Variants in ABHD3 observed in about 807,000 individuals in gnomAD.
ABHD3 encodes the protein abhydrolase domain containing 3, phospholipase, also known as phospholipase ABHD3.
ABHD3 carries 46 observed loss-of-function variants against 48.8 expected under a neutral mutation model. The observed-to-expected ratio is 0.94, with a 90% CI of 0.74 to 1.20. The LOEUF is 1.20. Ranked by LOEUF, ABHD3 falls within the 50% of genes most tolerant of loss-of-function variation. The pLI, the probability that ABHD3 is intolerant of heterozygous loss-of-function variation, is 0.00. For synonymous variants in ABHD3, 192 were observed against 183.7 expected, an observed-to-expected ratio of 1.04 and a Z score of -0.36; for missense variants, 490 against 497.8, an observed-to-expected ratio of 0.98 and a Z score of 0.15.
chr18:21,703,909 G>A (rs1392782984), intron 1 of ABHD3, 162 bp from the exon 2 acceptor site: 2 of 702,546 alleles, frequency 2.8e-6, no homozygotes, highest in African/African-American at 3.6e-5. Flanking sequence ...GGACTGAAAC[G>A]GGGGTTTCGC....
At chr18:21,694,908 C>T (rs1005894344) in intron 3 of ABHD3, among the ~76,000 whole-genome samples, 1 of 152,220 alleles carries the variant, frequency 6.6e-6, no homozygotes, top group Admixed American at 6.5e-5. Context: ...AATCCCAGTA[C>T]TGCCAACTCT....
chr18:21,664,485 G>C (rs1003656149), intron 4 of ABHD3: 9 of 370,562 alleles, frequency 2.4e-5, no homozygotes, highest in Non-Finnish European at 4.3e-5. Context: ...GATGGGGCAA[G>C]ACCAATACAA....
chr18:21,682,060 C>CCG (rs2040015338), intron 4 of ABHD3: 1 of 152,288 alleles, frequency 6.6e-6, no homozygotes, highest in African/African-American at 2.4e-5. Context: ...TCACTTGAGC[C>CCG]CAGGCGGTCG....
At chr18:21,697,018 A>G (rs2040385715) in intron 3 of ABHD3, among the ~76,000 whole-genome samples, 1 of 151,684 alleles carries the variant, frequency 6.6e-6, no homozygotes, top group Admixed American at 6.6e-5. Context: ...ACCAGTGAAG[A>G]TGGACAGGTT....
chr18:21,684,096 G>A, intron 3 of ABHD3, 131 bp from the exon 4 acceptor site: 2 of 740,484 alleles, frequency 2.7e-6, no homozygotes, highest in East Asian at 2.9e-5. Flanking sequence ...TAGTTGTAAT[G>A]TTTGGCAATT....
intron 4 of ABHD3, among the ~76,000 whole-genome samples, chr18:21,666,124 C>T (rs2039620530): frequency 6.6e-6 from 1 of 152,164 alleles, no homozygotes; most frequent in African/African-American, 2.4e-5. Flanking sequence ...CCCTCTGCCT[C>T]CTGGGTTCAA....
intron 1 of ABHD3, 70 bp downstream of exon 1, chr18:21,704,434 G>T: frequency 8.0e-7 from 1 of 1,257,414 alleles, no homozygotes; most frequent in Non-Finnish European, 1.0e-6. Flanking sequence ...TGGCCGCGCA[G>T]CCTCGCGCCG....
intron 4 of ABHD3, chr18:21,682,241 A>G (rs973139185): frequency 2.0e-5 from 3 of 152,224 alleles, no homozygotes; most frequent in African/African-American, 7.2e-5. Flanking sequence ...CATTCTACGG[A>G]TTACATAAAT....
intron 1 of ABHD3, among the ~76,000 whole-genome samples, chr18:21,704,117 C>T (rs1012906713): frequency 1.1e-4 from 16 of 152,222 alleles, no homozygotes; most frequent in South Asian, 4.1e-4. Context: ...GAACTCTTGA[C>T]CTCAGGTGAT....
chr18:21,675,309 C>T (rs192652671), intron 4 of ABHD3, among the ~76,000 whole-genome samples: 23 of 142,804 alleles, frequency 1.6e-4, no homozygotes, highest in African/African-American at 6.0e-4. Context: ...CGCTCTGTTG[C>T]CCAGGCTGGA....
chr18:21,681,627 A>G (rs2040006655), intron 4 of ABHD3, among the ~76,000 whole-genome samples: 1 of 152,212 alleles, frequency 6.6e-6, no homozygotes, highest in Non-Finnish European at 1.5e-5. Flanking sequence ...GCTTCAAAAT[A>G]TCAATGATTC....
In ABHD3 at chr18:21,683,905, T is replaced by C. The variant is rs1191158437; in HGVS notation, c.555+15A>G. 2 of 1,583,648 alleles carry C rather than the reference T, an allele frequency of 1.3e-6. No homozygotes were observed. Among genetic ancestry groups the C allele is most frequent in the Admixed American group, 3.5e-5 (2 of 56,970 alleles). On this transcript the variant is annotated intron_variant, in intron 4 of 8. Transcript: ENST00000289119. ...CTTTAAAAAGTTAAGACTGTTGTCA[T>C]TTAAATTTACTTACCAAGAGATTCT...
At chr18:21,666,781 A>C (rs2039641444) in intron 4 of ABHD3, among the ~76,000 whole-genome samples, 1 of 152,188 alleles carries the variant, frequency 6.6e-6, no homozygotes, top group Admixed American at 6.6e-5. Flanking sequence ...TGTCATCAAT[A>C]AGGGCTCTGT....
intron 4 of ABHD3, among the ~76,000 whole-genome samples, chr18:21,670,271 G>T (rs988104477): frequency 2.0e-5 from 3 of 152,144 alleles, no homozygotes; most frequent in Admixed American, 2.0e-4. Flanking sequence ...CGTGGGAATG[G>T]TAAGTGCCAA....
At chr18:21,674,648 T>C (rs1348468352) in intron 4 of ABHD3, among the ~76,000 whole-genome samples, 1 of 152,188 alleles carries the variant, frequency 6.6e-6, no homozygotes, top group Non-Finnish European at 1.5e-5. Flanking sequence ...TACACCTGGC[T>C]GAGACCAGCC....
chr18:21,687,427 G>A lies in ABHD3; in HGVS notation c.510-3462C>T, dbSNP rs528777156. Among the ~76,000 whole-genome samples the A allele has an allele frequency of 2.4e-4, 36 of 152,014 alleles. 1 individual carries two copies. Among genetic ancestry groups the A allele is most frequent in the Admixed American group, 9.8e-4 (15 of 15,246 alleles). On this transcript the variant is annotated intron_variant, in intron 3 of 8. Transcript: ENST00000289119. ...AGGGTTTCACCGTGTTAGCCAGGAC[G>A]GTCTCGATTTCCTGACCTCGTGATC...
At chr18:21,675,052 T>A (rs2039846580) in intron 4 of ABHD3, among the ~76,000 whole-genome samples, 1 of 151,966 alleles carries the variant, frequency 6.6e-6, no homozygotes, top group African/African-American at 2.4e-5. Context: ...CCCCAAAGAA[T>A]CTGAGGTTGG....
chr18:21,698,654 G>A (rs1436315133), intron 3 of ABHD3, among the ~76,000 whole-genome samples: 1 of 151,828 alleles, frequency 6.6e-6, no homozygotes, highest in Non-Finnish European at 1.5e-5. Flanking sequence ...TCGGCCCACT[G>A]CAACCTCTGC....
chr18:21,677,723 C>T (rs945619840), intron 4 of ABHD3, among the ~76,000 whole-genome samples: 3 of 151,604 alleles, frequency 2.0e-5, no homozygotes, highest in African/African-American at 4.8e-5. Flanking sequence ...CTTGCTCTGT[C>T]GCCAGGCTGG....
Sources: allele counts gnomAD v4.1 joint callset (sites outside exome capture counted in the v4.1 genomes callset), GRCh38; gene constraint gnomAD v4.1.1; transcripts MANE v1.5; gene names NCBI Gene and HGNC (gene_info 2026-07-23, HGNC 2026-07-21).